The following HDAC9 variants were observed in gnomAD, a reference collection of about 807,000 sequenced individuals.
HDAC9 encodes histone deacetylase 9, also known as MEF-2 interacting transcription repressor (MITR) protein.
In HDAC9, 41 loss-of-function variants were observed where a neutral mutation model predicts 139.4. The ratio of observed to expected loss-of-function variants is 0.29; its 90% CI spans 0.23 to 0.38. HDAC9 has a LOEUF of 0.38. Ranked by LOEUF, HDAC9 falls within the 10% of genes least tolerant of loss-of-function variation. The probability of loss-of-function intolerance (pLI) is 1.00; values close to 1 mark genes in which losing one functional copy is unlikely to be tolerated. For synonymous variants in HDAC9, 517 were observed against 476.2 expected (o/e 1.09, Z -1.12); for missense variants, 1,147 against 1,297.0 (o/e 0.88, Z 1.78).
intron 1 of HDAC9, among the ~76,000 whole-genome samples, chr7:18,293,402 G>A (rs547575745): frequency 9.9e-5 from 15 of 151,614 alleles, no homozygotes; most frequent in East Asian, 1.9e-4. Context: ...GCAAACTATC[G>A]CAAGGACAAA....
intron 2 of HDAC9, among the ~76,000 whole-genome samples, chr7:18,575,622 T>C (rs1825734024): frequency 6.6e-6 from 1 of 152,218 alleles, no homozygotes; most frequent in Admixed American, 6.5e-5. Flanking sequence ...GGAAAAACTT[T>C]TCAGATTGTT....
rs1342881919 is a variant in HDAC9, at chr7:18,995,720, T to G, written c.3171-303T>G. Among the ~76,000 whole-genome samples the G allele has an allele frequency of 2.0e-5, 3 of 152,276 alleles. No homozygotes were observed. The East Asian group carries it at 5.8e-4, about 29-fold the overall frequency. On this transcript the variant is annotated intron_variant, in intron 25 of 25. Transcript: ENST00000686413. ...CTAAAATAAAATATCATAGTTAATT[T>G]TTTCAATAAATTATTGAACTGTACT... is the stretch of plus-strand genomic sequence containing the variant.
At chr7:18,657,095 C>G (rs1003429848) in intron 11 of HDAC9, among the ~76,000 whole-genome samples, 1 of 151,986 alleles carries the variant, frequency 6.6e-6, no homozygotes, top group African/African-American at 2.4e-5. Flanking sequence ...TGAGAAGTGT[C>G]CATTCATCTT....
At chr7:18,822,711 T>C (rs1291331695) in intron 17 of HDAC9, among the ~76,000 whole-genome samples, 1 of 152,212 alleles carries the variant, frequency 6.6e-6, no homozygotes, top group Admixed American at 6.5e-5. Context: ...TTGACTAGTC[T>C]TAAATGACTT....
chr7:18,643,544 A>G (rs1786403451), intron 8 of HDAC9, among the ~76,000 whole-genome samples: 1 of 152,122 alleles, frequency 6.6e-6, no homozygotes, highest in African/African-American at 2.4e-5. Context: ...TTGGAATAAC[A>G]TCCTGTGTTT....
chr7:18,970,968 G>A (rs1176019923), intron 24 of HDAC9, among the ~76,000 whole-genome samples: 1 of 152,174 alleles, frequency 6.6e-6, no homozygotes, highest in African/African-American at 2.4e-5. Flanking sequence ...AGATTTTCAT[G>A]AGTCAACAAC....
intron 1 of HDAC9, among the ~76,000 whole-genome samples, chr7:18,452,761 C>T (rs1233487671): frequency 6.6e-6 from 1 of 152,134 alleles, no homozygotes; most frequent in South Asian, 2.1e-4. Flanking sequence ...TGCTCTCTTG[C>T]CTGCCGCCAT....
intron 1 of HDAC9, among the ~76,000 whole-genome samples, chr7:18,311,167 G>A (rs950676073): frequency 1.3e-5 from 2 of 151,940 alleles, no homozygotes; most frequent in Non-Finnish European, 2.9e-5. Flanking sequence ...TTAACATTTA[G>A]AGGTCTTACA....
chr7:18,298,790 T>C (rs1311647297), intron 1 of HDAC9, among the ~76,000 whole-genome samples: 1 of 152,184 alleles, frequency 6.6e-6, no homozygotes, highest in African/African-American at 2.4e-5. Context: ...AAATATCCCA[T>C]ATAAAAAGTT....
intron 1 of HDAC9, among the ~76,000 whole-genome samples, chr7:18,342,406 C>T (rs1782085812): frequency 6.6e-6 from 1 of 151,850 alleles, no homozygotes; most frequent in Non-Finnish European, 1.5e-5. Context: ...CCTTTGTTGC[C>T]TCATGTCCAG....
chr7:18,186,659 T>G (rs1288383797), intron 2 of HDAC9, among the ~76,000 whole-genome samples: 1 of 152,252 alleles, frequency 6.6e-6, no homozygotes, highest in Non-Finnish European at 1.5e-5. Context: ...TTCCTGGCTC[T>G]GCTCTTCATG....
At chr7:18,272,574 T>C (rs1796422241) in intron 2 of HDAC9, among the ~76,000 whole-genome samples, 1 of 152,104 alleles carries the variant, frequency 6.6e-6, no homozygotes, top group Non-Finnish European at 1.5e-5. Context: ...ACACTAGCTA[T>C]CGAAATAAAA....
chr7:18,930,888 G>C (rs1488458281), intron 22 of HDAC9, among the ~76,000 whole-genome samples: 2 of 151,984 alleles, frequency 1.3e-5, no homozygotes, highest in African/African-American at 4.8e-5. Context: ...GCATTTTATG[G>C]GACTTTTTTT....
At chr7:18,616,691 C>T (rs563822943) in intron 6 of HDAC9, among the ~76,000 whole-genome samples, 90 of 152,204 alleles carry the variant, frequency 5.9e-4, no homozygotes, top group African/African-American at 2.1e-3. Flanking sequence ...TAAATAATAA[C>T]AGATGCCCAG....
chr7:18,709,158 A>C (rs928489377), intron 12 of HDAC9, among the ~76,000 whole-genome samples: 5 of 150,842 alleles, frequency 3.3e-5, no homozygotes, highest in African/African-American at 1.2e-4. Context: ...GATTTGCTTC[A>C]CCTATTGACA....
chr7:18,700,970 T>C (rs1419861696), intron 12 of HDAC9, among the ~76,000 whole-genome samples: 1 of 152,216 alleles, frequency 6.6e-6, no homozygotes, highest in Non-Finnish European at 1.5e-5. Context: ...TAGAGAGGAA[T>C]GCTTCACTGG....
intron 1 of HDAC9, among the ~76,000 whole-genome samples, chr7:18,374,388 TC>T (rs1784828891): frequency 6.6e-6 from 1 of 152,004 alleles, no homozygotes; most frequent in African/African-American, 2.4e-5. Flanking sequence ...TGTGTGAACA[TC>T]TTAGAGAGCA....
chr7:18,224,249 G>T (rs1452701165), intron 2 of HDAC9, among the ~76,000 whole-genome samples: 1 of 152,116 alleles, frequency 6.6e-6, no homozygotes, highest in African/African-American at 2.4e-5. Context: ...TAGACATTCA[G>T]TGTTAGAGAG....
chr7:18,935,670 G>A (rs1781582560), intron 22 of HDAC9, 139 bp from the exon 23 acceptor site: 6 of 734,128 alleles, frequency 8.2e-6, no homozygotes, highest in Middle Eastern at 2.7e-4. Flanking sequence ...AATCCATAAA[G>A]TTATTTTAAG....
Sources: allele counts gnomAD v4.1 joint callset (sites outside exome capture counted in the v4.1 genomes callset), GRCh38; gene constraint gnomAD v4.1.1; transcripts MANE v1.5; gene names NCBI Gene and HGNC (gene_info 2026-07-23, HGNC 2026-07-21).